Variants in CHRNB4 observed in about 807,000 individuals in gnomAD.
CHRNB4 encodes neuronal acetylcholine receptor subunit beta-4.
CHRNB4 carries 23 observed loss-of-function variants against 40.4 expected under a neutral mutation model. The observed-to-expected ratio is 0.57, with a 90% CI of 0.41 to 0.81. CHRNB4 has a LOEUF of 0.81. Ranked by LOEUF, CHRNB4 falls within the 30% of genes least tolerant of loss-of-function variation. CHRNB4 has a pLI of 0.00. For synonymous variants in CHRNB4, 285 were observed against 274.4 expected (o/e 1.04, Z -0.38); for missense variants, 568 against 670.6 (o/e 0.85, Z 1.69).
intron 7 of CHRNB4, among the ~76,000 whole-genome samples, chr15:78,647,354 T>C (rs187449839): frequency 6.6e-6 from 1 of 151,540 alleles, no homozygotes; most frequent in Non-Finnish European, 1.5e-5. Context: ...ATATAAACAT[T>C]AATATTTTAA....
chr15:78,654,046 C>A (rs1176534025), intron 5 of CHRNB4, among the ~76,000 whole-genome samples: 3 of 152,188 alleles, frequency 2.0e-5, no homozygotes, highest in African/African-American at 7.2e-5. Context: ...GACCTGAGAA[C>A]CTGTCTCTTC....
intron 5 of CHRNB4, among the ~76,000 whole-genome samples, chr15:78,653,389 C>T (rs2054188567): frequency 6.6e-6 from 1 of 152,176 alleles, no homozygotes; most frequent in East Asian, 1.9e-4. Flanking sequence ...GAAAAGCCGG[C>T]CCTGATTCCT....
rs759554196 is a variant in CHRNB4, at chr15:78,635,576, C to T, written c.67G>A (p.Val23Met). Reference sequence around the variant, plus strand: ...ATCAGCTTTTCCTCCGCATTGGCCACGCGGCAGTTCCCTGAGAAAACACAC... The same window carrying T: ...ATCAGCTTTTCCTCCGCATTGGCCATGCGGCAGTTCCCTGAGAAAACACAC... The part of the protein sequence containing the change: ...VALCGRGNCR[V>M]ANAEEKLMDD... Residue 23 changes from valine to methionine, a missense_variant, in exon 2 of 6, where the codon GTG (valine) becomes ATG (methionine). By Grantham distance (21) the Val-to-Met change is conservative. Around this residue, in one of 4 missense-constraint regions of CHRNB4, gnomAD observed 161 missense variants for 148.1 expected, o/e 1.09. Transcript: ENST00000261751. 66 of 1,614,004 alleles carry T rather than the reference C, an allele frequency of 4.1e-5. No homozygotes were observed. Among genetic ancestry groups the T allele is most frequent in the Admixed American group, 8.3e-5 (5 of 59,996 alleles).
chr15:78,630,853 T>C, intron 4 of CHRNB4: 1 of 547,484 alleles, frequency 1.8e-6, no homozygotes, highest in Non-Finnish European at 3.3e-6. Flanking sequence ...TCTGCTTCAG[T>C]GAATCAGACA....
chr15:78,634,759 A>T (rs558842645), intron 2 of CHRNB4: 2 of 455,946 alleles, frequency 4.4e-6, no homozygotes, highest in Admixed American at 4.7e-5. Context: ...GGGACATGGG[A>T]AGGTTTACAA....
At chr15:78,658,446 T>G (rs558078705) in intron 1 of CHRNB4, 2 of 152,328 alleles carry the variant, frequency 1.3e-5, no homozygotes, top group Admixed American at 6.5e-5. Context: ...TATTTGTCCC[T>G]TTTTATAGAT....
chr15:78,640,655 T>C (rs1287479830), intron 1 of CHRNB4, among the ~76,000 whole-genome samples: 1 of 152,210 alleles, frequency 6.6e-6, no homozygotes, highest in Non-Finnish European at 1.5e-5. Flanking sequence ...CCGGCTCCTC[T>C]GCACCCACGC....
upstream of CHRNB4, chr15:78,661,389 G>T (rs1037693492): frequency 1.3e-5 from 7 of 526,448 alleles, no homozygotes; most frequent in Non-Finnish European, 2.2e-5. Flanking sequence ...TTGTTTTCCC[G>T]GCCAGGAAGC....
At position 78,652,779 on chromosome 15, in the gene CHRNB4, A is replaced by T. The variant is rs567561382; in HGVS notation, c.-109-108T>A. The T allele has an allele frequency of 3.9e-5, 6 of 152,258 alleles. No homozygotes were observed. The East Asian group carries it at 1.2e-3, about 29-fold the overall frequency. The allele number at this position is 152,258 out of a possible 1,614,324, so 9.4% of individuals were successfully genotyped here. On this transcript the variant is annotated intron_variant and NMD_transcript_variant, in intron 5 of 11. Transcript: ENST00000559849. ...GACTAGCTACTTTCTCCTTTTCCTC[A>T]TCTATAACGGCTGTCCTGATGCTTC...
chr15:78,636,052 C>T (rs184295734), intron 1 of CHRNB4, among the ~76,000 whole-genome samples: 1 of 152,172 alleles, frequency 6.6e-6, no homozygotes, highest in Admixed American at 6.5e-5. Context: ...GGATTACAGG[C>T]CTGCGCCACC....
At chr15:78,648,711 G>A (rs999561172) in intron 7 of CHRNB4, among the ~76,000 whole-genome samples, 7 of 137,186 alleles carry the variant, frequency 5.1e-5, no homozygotes, top group Non-Finnish European at 7.7e-5. Flanking sequence ...CAAGATCGGC[G>A]CCACTGCACT....
intron 6 of CHRNB4, among the ~76,000 whole-genome samples, chr15:78,649,733 T>A (rs2054155956): frequency 6.7e-6 from 1 of 148,976 alleles, no homozygotes; most frequent in Non-Finnish European, 1.5e-5. Flanking sequence ...GATACCCACG[T>A]AAGTAGCAGA....
intron 1 of CHRNB4, among the ~76,000 whole-genome samples, chr15:78,636,293 C>T (rs2053948321): frequency 6.6e-6 from 1 of 152,082 alleles, no homozygotes; most frequent in Non-Finnish European, 1.5e-5. Context: ...CCCACCCCTG[C>T]CCTCCTCCTG....
chr15:78,653,456 C>T (rs939804411), intron 5 of CHRNB4, among the ~76,000 whole-genome samples: 18 of 152,164 alleles, frequency 1.2e-4, no homozygotes, highest in Non-Finnish European at 1.9e-4. Context: ...TTTGATTCTC[C>T]ATAGCTTGCC....
upstream of CHRNB4, among the ~76,000 whole-genome samples, chr15:78,644,159 T>A (rs1352328310): frequency 1.3e-5 from 2 of 148,322 alleles, no homozygotes; most frequent in African/African-American, 5.0e-5. Flanking sequence ...CGAGACTCTG[T>A]CTCAAAAAAA....
At chr15:78,645,487 T>C (rs77387834), upstream of CHRNB4, among the ~76,000 whole-genome samples, 2 of 152,150 alleles carry the variant, frequency 1.3e-5, no homozygotes, top group African/African-American at 4.8e-5. Context: ...GAGTGCATTT[T>C]AAAACAGCCA....
At chr15:78,654,213 G>A (rs2054194583) in intron 5 of CHRNB4, among the ~76,000 whole-genome samples, 1 of 152,154 alleles carries the variant, frequency 6.6e-6, no homozygotes, top group African/African-American at 2.4e-5. Flanking sequence ...GCACGTTGCT[G>A]GGAAAGCCTA....
upstream of CHRNB4, chr15:78,661,405 C>T (rs76864340): frequency 0.021 from 10,740 of 523,362 alleles, 946 homozygotes; most frequent in African/African-American, 0.19. Flanking sequence ...GAAGCTTCAT[C>T]TTCCGGATCA....
At chr15:78,634,538 C>T (rs576862019) in intron 2 of CHRNB4, 8 of 336,564 alleles carry the variant, frequency 2.4e-5, no homozygotes, top group Admixed American at 2.2e-4. Context: ...CCAAAGCCTT[C>T]CTGAGGGCTG....
Sources: gnomAD v4.1 joint callset for allele counts (sites outside exome capture counted in the v4.1 genomes callset) on GRCh38, gnomAD v4.1.1 for gene constraint, gnomAD v4.1.1 regional missense constraint, MANE v1.5 for transcripts, NCBI Gene and HGNC (gene_info 2026-07-23, HGNC 2026-07-21) for gene names.